ABCB1: variants seen among roughly 807,000 people sequenced by gnomAD.
ABCB1 encodes the protein ATP-dependent translocase ABCB1.
ABCB1 carries 69 observed loss-of-function variants against 142.0 expected under a neutral mutation model. That is an observed-to-expected ratio of 0.49 (90% confidence interval 0.40 to 0.59). The LOEUF (loss-of-function observed/expected upper bound fraction) is 0.59. Among genes scored for constraint, ABCB1 ranks in the 20% least tolerant of loss-of-function variants. The probability of loss-of-function intolerance (pLI) is 0.00; values close to 1 mark genes in which losing one functional copy is unlikely to be tolerated. For synonymous variants in ABCB1, 532 were observed against 539.2 expected (o/e 0.99, Z 0.18); for missense variants, 1,326 against 1,554.7 (o/e 0.85, Z 2.47).
chr7:87,567,100 AG>A, intron 5 of ABCB1, 124 bp from the exon 6 acceptor site: 2 of 872,500 alleles, frequency 2.3e-6, no homozygotes, highest in Non-Finnish European at 3.7e-6. Flanking sequence ...ACAAATAAGA[AG>A]GGGTTGTAAC....
At chr7:87,517,273 T>G (rs1182495073) in intron 23 of ABCB1, among the ~76,000 whole-genome samples, 1 of 152,134 alleles carries the variant, frequency 6.6e-6, no homozygotes, top group Non-Finnish European at 1.5e-5. Flanking sequence ...GCCAACAGGA[T>G]ATGGTGGAAA....
chr7:87,608,801 T>A (rs1819750177), intron 1 of ABCB1, among the ~76,000 whole-genome samples: 1 of 152,192 alleles, frequency 6.6e-6, no homozygotes, highest in Non-Finnish European at 1.5e-5. Context: ...TAGTATTATT[T>A]CACAGGACAT....
intron 1 of ABCB1, among the ~76,000 whole-genome samples, chr7:87,625,360 T>A (rs2130113726): frequency 6.6e-6 from 1 of 152,288 alleles, no homozygotes; most frequent in South Asian, 2.1e-4. Flanking sequence ...AACATGAACA[T>A]GTACTGGAGG....
At chr7:87,533,511 CTG>C (rs1816151654) in intron 20 of ABCB1, among the ~76,000 whole-genome samples, 1 of 152,178 alleles carries the variant, frequency 6.6e-6, no homozygotes, top group African/African-American at 2.4e-5. Flanking sequence ...AGACCTTAAA[CTG>C]CAAGGAGATT....
chr7:87,628,617 G>C (rs1762329145), intron 1 of ABCB1: 1 of 320,910 alleles, frequency 3.1e-6, no homozygotes, highest in Admixed American at 5.4e-5. Context: ...GTGTGTGTGT[G>C]TGTGTGTGGA....
chr7:87,591,880 G>A (rs1257921556), intron 3 of ABCB1, among the ~76,000 whole-genome samples: 2 of 152,160 alleles, frequency 1.3e-5, no homozygotes, highest in East Asian at 1.9e-4. Context: ...AAGGGGTTGA[G>A]GAACTTAACT....
chr7:87,710,725 G>C lies in ABCB1; in HGVS notation c.-331+2436C>G, dbSNP rs1829998190. ...ACCTGAAGACTCAGAAATCAGAATA[G>C]GATGAAGAATCAATTTCTAAAATCC... On this transcript the variant is annotated intron_variant, in intron 1 of 28. Coordinates refer to the ABCB1 transcript ENST00000265724. 3.6e-6 allele frequency: 3 copies of C among 822,034 alleles called. No individual in the cohort carries two copies. The African/African-American group carries it at 5.3e-5, about 15-fold the overall frequency. 50.9% of individuals were successfully genotyped at this position (822,034 alleles called of 1,614,324 possible).
chr7:87,618,124 TTCCGGGG>T (rs1407495977), intron 1 of ABCB1, among the ~76,000 whole-genome samples: 1 of 152,114 alleles, frequency 6.6e-6, no homozygotes, highest in East Asian at 1.9e-4. Flanking sequence ...TGTTGTCTAA[TTCCGGGG>T]GCCCTGTTGA....
upstream of ABCB1, among the ~76,000 whole-genome samples, chr7:87,601,247 C>T (rs1439175703): frequency 1.3e-5 from 2 of 152,188 alleles, no homozygotes; most frequent in African/African-American, 4.8e-5. Flanking sequence ...AATACAAAAA[C>T]TCCGACCTCT....
chr7:87,556,763 AT>A (rs1416260444), intron 8 of ABCB1, among the ~76,000 whole-genome samples: 2 of 152,084 alleles, frequency 1.3e-5, no homozygotes, highest in African/African-American at 4.8e-5. Flanking sequence ...GTGGATAGTC[AT>A]TCCTCTTTTT....
At chr7:87,639,206 GT>G (rs1404748686) in intron 1 of ABCB1, among the ~76,000 whole-genome samples, 1 of 151,608 alleles carries the variant, frequency 6.6e-6, no homozygotes, top group African/African-American at 2.4e-5. Context: ...ACAGTTGAAG[GT>G]TTTTTAGTAA....
At chr7:87,607,275 T>A (rs558541035) in intron 1 of ABCB1, among the ~76,000 whole-genome samples, 1 of 152,126 alleles carries the variant, frequency 6.6e-6, no homozygotes, top group Non-Finnish European at 1.5e-5. Flanking sequence ...ACCATATACC[T>A]CCACTTGAGG....
intron 1 of ABCB1, among the ~76,000 whole-genome samples, chr7:87,642,075 C>T (rs1205901971): frequency 2.0e-5 from 3 of 151,814 alleles, no homozygotes; most frequent in Admixed American, 1.3e-4. Flanking sequence ...GCCTTCATCA[C>T]TAATAATGGA....
intron 1 of ABCB1, among the ~76,000 whole-genome samples, chr7:87,668,510 G>A (rs1825499132): frequency 6.7e-6 from 1 of 149,714 alleles, no homozygotes; most frequent in African/African-American, 2.5e-5. Flanking sequence ...TTTTTTTCTT[G>A]TCTTCCGCTA....
chr7:87,667,746 A>G (rs1183527380), intron 1 of ABCB1, among the ~76,000 whole-genome samples: 1 of 151,896 alleles, frequency 6.6e-6, no homozygotes, highest in Non-Finnish European at 1.5e-5. Flanking sequence ...AGATAATCAT[A>G]TAGTTTTTGT....
chr7:87,554,170 G>A (rs1817215622), intron 8 of ABCB1, among the ~76,000 whole-genome samples: 1 of 152,148 alleles, frequency 6.6e-6, no homozygotes. Context: ...TTCCTTCTCT[G>A]GCTTTAGCAA....
chr7:87,571,966 CA>C (rs1818075516), intron 4 of ABCB1, among the ~76,000 whole-genome samples: 1 of 152,154 alleles, frequency 6.6e-6, no homozygotes, highest in African/African-American at 2.4e-5. Context: ...CAAAGAGATG[CA>C]GAAGCTTAGA....
chr7:87,563,352 T>A (rs1563054089), intron 7 of ABCB1: 2 of 454,892 alleles, frequency 4.4e-6, no homozygotes, highest in Admixed American at 2.4e-5. Flanking sequence ...CTGGCAGAGA[T>A]ACAACAACAA....
intron 1 of ABCB1, among the ~76,000 whole-genome samples, chr7:87,631,433 C>G (rs1363385978): frequency 6.6e-6 from 1 of 152,244 alleles, no homozygotes; most frequent in East Asian, 1.9e-4. Context: ...CTCTGTCTCC[C>G]AGGCTGGAGA....
Sources: gnomAD v4.1 joint callset for allele counts (sites outside exome capture counted in the v4.1 genomes callset) on GRCh38, gnomAD v4.1.1 for gene constraint, MANE v1.5 for transcripts, NCBI Gene and HGNC (gene_info 2026-07-23, HGNC 2026-07-21) for gene names.